Variants in FIP1L1 observed in about 807,000 individuals in gnomAD.
FIP1L1 encodes the protein factor interacting with PAPOLA and CPSF1.
FIP1L1 carries 21 observed loss-of-function variants against 84.6 expected under a neutral mutation model. The observed-to-expected ratio is 0.25, with a 90% CI of 0.18 to 0.36. The LOEUF is 0.36. Among genes scored for constraint, FIP1L1 ranks in the 10% least tolerant of loss-of-function variants. FIP1L1 has a pLI of 1.00. For synonymous variants in FIP1L1, 263 were observed against 242.3 expected (o/e 1.09, Z -0.80); for missense variants, 526 against 751.1 (o/e 0.70, Z 3.50).
chr4:53,422,440 A>C (rs1317543431), intron 11 of FIP1L1, among the ~76,000 whole-genome samples: 3 of 151,982 alleles, frequency 2.0e-5, no homozygotes, highest in African/African-American at 7.2e-5. Context: ...TCAGAGGAGA[A>C]TCTTTTTCTG....
intron 9 of FIP1L1, among the ~76,000 whole-genome samples, chr4:53,392,007 T>TA (rs1254962758): frequency 2.0e-5 from 3 of 152,258 alleles, no homozygotes; most frequent in Admixed American, 2.0e-4. Context: ...CATAATGAGA[T>TA]ACTGCCATTG....
chr4:53,425,336 AT>A (rs1229243544), intron 11 of FIP1L1, among the ~76,000 whole-genome samples: 1 of 151,900 alleles, frequency 6.6e-6, no homozygotes, highest in Admixed American at 6.6e-5. Flanking sequence ...AAATATTTGA[AT>A]TTTTCTATCT....
chr4:53,401,656 A>G (rs1483494521), intron 10 of FIP1L1, among the ~76,000 whole-genome samples: 1 of 152,252 alleles, frequency 6.6e-6, no homozygotes, highest in East Asian at 1.9e-4. Context: ...GATGAATCCA[A>G]GGTTTTTGTT....
At chr4:53,390,757 A>G (rs1743843635) in intron 7 of FIP1L1, 129 bp downstream of exon 7, 2 of 649,006 alleles carry the variant, frequency 3.1e-6, no homozygotes, top group East Asian at 5.8e-5. Flanking sequence ...AATGATGAGT[A>G]ATAATGACTT....
chr4:53,403,779 C>T (rs990857982), intron 10 of FIP1L1, among the ~76,000 whole-genome samples: 15 of 152,076 alleles, frequency 9.9e-5, no homozygotes, highest in Admixed American at 6.5e-4. Flanking sequence ...TGCCCAATGC[C>T]GGCTGCAGGC....
chr4:53,456,484 G>A (rs1719031551), intron 16 of FIP1L1, among the ~76,000 whole-genome samples: 1 of 151,856 alleles, frequency 6.6e-6, no homozygotes, highest in South Asian at 2.1e-4. Context: ...AATTATCCCA[G>A]GAAAAAATTA....
intron 10 of FIP1L1, among the ~76,000 whole-genome samples, chr4:53,404,644 C>G (rs1233222269): frequency 6.6e-6 from 1 of 151,664 alleles, no homozygotes; most frequent in Non-Finnish European, 1.5e-5. Context: ...TAAAAGTGTT[C>G]CTATTTCTCC....
chr4:53,414,507 A>G, intron 10 of FIP1L1, 108 bp from the exon 11 acceptor site: 1 of 655,246 alleles, frequency 1.5e-6, no homozygotes. Context: ...CTGTAGGAAC[A>G]TACTAAAAGA....
At chr4:53,407,815 ACC>A (rs1754559675) in intron 10 of FIP1L1, among the ~76,000 whole-genome samples, 1 of 151,380 alleles carries the variant, frequency 6.6e-6, no homozygotes, top group African/African-American at 2.4e-5. Flanking sequence ...TAGGACTGCA[ACC>A]CCTGCCTTTT....
chr4:53,382,621 C>T (rs1738694248), intron 4 of FIP1L1, among the ~76,000 whole-genome samples: 1 of 152,178 alleles, frequency 6.6e-6, no homozygotes, highest in Non-Finnish European at 1.5e-5. Flanking sequence ...TATAGTGAGC[C>T]TGGTTTTCAG....
chr4:53,387,676 C>G (rs574507663), intron 5 of FIP1L1, among the ~76,000 whole-genome samples: 4 of 152,288 alleles, frequency 2.6e-5, no homozygotes, highest in African/African-American at 9.6e-5. Context: ...AGGTGGAAAG[C>G]GAAGAAGCTC....
intron 11 of FIP1L1, among the ~76,000 whole-genome samples, chr4:53,419,573 TG>T (rs770338629): frequency 3.9e-5 from 6 of 152,118 alleles, no homozygotes; most frequent in Non-Finnish European, 8.8e-5. Context: ...CCCGAGTAGC[TG>T]GGACTACAGG....
At chr4:53,419,845 G>A (rs1016924468) in intron 11 of FIP1L1, among the ~76,000 whole-genome samples, 1 of 152,120 alleles carries the variant, frequency 6.6e-6, no homozygotes, top group Non-Finnish European at 1.5e-5. Context: ...AGGCGCAATG[G>A]CTCACGCCTA....
intron 5 of FIP1L1, 93 bp from the exon 6 acceptor site, chr4:53,389,716 A>G (rs1330383629): frequency 1.4e-5 from 13 of 921,012 alleles, no homozygotes; most frequent in Non-Finnish European, 2.2e-5. Flanking sequence ...TTACTATGTG[A>G]TTGTATAATT....
chr4:53,383,702 T>C (rs1197013839), intron 4 of FIP1L1, 71 bp from the exon 5 acceptor site: 317 of 1,422,504 alleles, frequency 2.2e-4, no homozygotes, highest in Non-Finnish European at 3.2e-5. Context: ...TGGTTACTTT[T>C]TTTAGTTATT....
At chr4:53,379,651 A>C (rs1325643978) in intron 3 of FIP1L1, among the ~76,000 whole-genome samples, 2 of 152,214 alleles carry the variant, frequency 1.3e-5, no homozygotes, top group South Asian at 2.1e-4. Context: ...CCAGTTTATT[A>C]ACATTTTTGA....
intron 10 of FIP1L1, among the ~76,000 whole-genome samples, chr4:53,404,827 T>C (rs1276324181): frequency 5.3e-5 from 8 of 152,110 alleles, no homozygotes; most frequent in African/African-American, 1.7e-4. Flanking sequence ...GAAGTGTCTG[T>C]TCATGTCCTT....
At chr4:53,389,621 C>G (rs1169894480) in intron 5 of FIP1L1, among the ~76,000 whole-genome samples, 188 bp from the exon 6 acceptor site, 1 of 152,036 alleles carries the variant, frequency 6.6e-6, no homozygotes, top group African/African-American at 2.4e-5. Context: ...AGTTCGAGAC[C>G]AGCCTGGACA....
At chr4:53,442,526 A>G (rs1371991051) in intron 13 of FIP1L1, 127 bp from the exon 14 acceptor site, 5 of 641,202 alleles carry the variant, frequency 7.8e-6, no homozygotes, top group African/African-American at 1.8e-5. Context: ...TTTTCTGTCC[A>G]TTATTACAAC....
Sources: allele counts gnomAD v4.1 joint callset (sites outside exome capture counted in the v4.1 genomes callset), GRCh38; gene constraint gnomAD v4.1.1; transcripts MANE v1.5; gene names NCBI Gene and HGNC (gene_info 2026-07-23, HGNC 2026-07-21).